The following RGS6 variants were observed in gnomAD, a reference collection of about 807,000 sequenced individuals.
RGS6 encodes the protein regulator of G-protein signaling 6.
In RGS6, 30 loss-of-function variants were observed where a neutral mutation model predicts 78.5. That is an observed-to-expected ratio of 0.38 (90% CI 0.29 to 0.52). The LOEUF (loss-of-function observed/expected upper bound fraction) is 0.52. Among genes scored for constraint, RGS6 ranks in the 20% least tolerant of loss-of-function variants. The pLI is 0.85. For synonymous variants in RGS6, 206 were observed against 206.0 expected (o/e 1.00, Z 0.00); for missense variants, 495 against 609.7 (o/e 0.81, Z 1.98).
intron 2 of RGS6, among the ~76,000 whole-genome samples, chr14:72,270,444 C>T (rs1475105626): frequency 1.3e-5 from 2 of 152,232 alleles, no homozygotes. Flanking sequence ...GATGTGGTGT[C>T]CAGCCTTTCA....
Position 72,144,823 on chromosome 14 carries a change from C to T in RGS6, c.84+179948C>T, listed in dbSNP as rs531871285. ...TGCTGCCTTCACAGAGCCAATGTAT[C>T]GAGACAGGGGAATTGCAGTGAAGAA... On this transcript the variant is annotated intron_variant, in intron 2 of 17. Transcript: ENST00000553525. Among the ~76,000 whole-genome samples the T allele has an allele frequency of 7.3e-4, 110 of 150,992 alleles. 2 individuals are homozygous for T. In the Middle Eastern group the frequency reaches 0.014, roughly 19 times the overall value.
intron 2 of RGS6, among the ~76,000 whole-genome samples, chr14:72,078,494 A>T (rs992317309): frequency 6.6e-6 from 1 of 151,712 alleles, no homozygotes; most frequent in Non-Finnish European, 1.5e-5. Flanking sequence ...GCTCACTGCA[A>T]CCTCCGCCTC....
At chr14:72,413,130 T>C (rs1160378604) in intron 3 of RGS6, among the ~76,000 whole-genome samples, 3 of 152,174 alleles carry the variant, frequency 2.0e-5, no homozygotes, top group Non-Finnish European at 4.4e-5. Flanking sequence ...CCTTGTTAAC[T>C]TTCTGTCTCG....
At chr14:71,935,029 C>T (rs992455131) in intron 1 of RGS6, among the ~76,000 whole-genome samples, 1 of 152,108 alleles carries the variant, frequency 6.6e-6, no homozygotes, top group African/African-American at 2.4e-5. Flanking sequence ...TTGCTCTGAA[C>T]CTAGGAATGC....
At chr14:71,883,112 G>C in the RGS6 span, among the ~76,000 whole-genome samples, 100 of 152,292 alleles carry the variant, frequency 6.6e-4, no homozygotes, top group Admixed American at 1.8e-3. Flanking sequence ...AGGAATTTCA[G>C]GTTTTTTAAA....
At chr14:71,892,358 G>T in the RGS6 span, among the ~76,000 whole-genome samples, 1 of 152,194 alleles carries the variant, frequency 6.6e-6, no homozygotes, top group African/African-American at 2.4e-5. Flanking sequence ...TTGGATAATT[G>T]CCCATAATCT....
intron 2 of RGS6, among the ~76,000 whole-genome samples, chr14:72,178,638 C>T (rs568224930): frequency 1.2e-4 from 18 of 152,210 alleles, no homozygotes; most frequent in South Asian, 6.2e-4. Flanking sequence ...GAAAATTCTT[C>T]GTATTGAAGA....
chr14:72,354,162 T>G (rs2079724350), intron 3 of RGS6, among the ~76,000 whole-genome samples: 1 of 152,202 alleles, frequency 6.6e-6, no homozygotes, highest in African/African-American at 2.4e-5. Context: ...CAGCTCAGGC[T>G]GCTAGAACAA....
intron 2 of RGS6, among the ~76,000 whole-genome samples, chr14:72,113,306 A>G (rs2095814579): frequency 6.6e-6 from 1 of 152,226 alleles, no homozygotes; most frequent in Non-Finnish European, 1.5e-5. Flanking sequence ...TCATGTAGGA[A>G]GAAACTGAGT....
At chr14:72,201,004 G>GAA (rs2041438373) in intron 2 of RGS6, among the ~76,000 whole-genome samples, 1 of 139,404 alleles carries the variant, frequency 7.2e-6, no homozygotes, top group Admixed American at 7.1e-5. Flanking sequence ...GAAAAGAAAA[G>GAA]AAATTGTGTT....
intron 2 of RGS6, among the ~76,000 whole-genome samples, chr14:72,174,949 A>G (rs963151260): frequency 6.6e-6 from 1 of 152,204 alleles, no homozygotes; most frequent in African/African-American, 2.4e-5. Flanking sequence ...ACAGGAAGGA[A>G]AGCAGTCAGG....
chr14:72,105,913 A>G (rs960135390), intron 2 of RGS6, among the ~76,000 whole-genome samples: 2 of 152,202 alleles, frequency 1.3e-5, no homozygotes, highest in African/African-American at 4.8e-5. Flanking sequence ...TATTTTTCCT[A>G]TGAGAAAAAG....
rs1282700808 is a variant in RGS6, at chr14:72,565,184, G to C, written c.*2717G>C. The C allele has an allele frequency of 1.3e-5, 2 of 151,790 alleles. No individual in the cohort carries two copies. The highest frequency in any genetic ancestry group is 4.3e-4 in the South Asian group (2 of 4,676). 9.4% of individuals were successfully genotyped at this position (151,790 alleles called of 1,614,324 possible). Reference sequence around the variant, plus strand: ...GAAGCTGCCTTAGCCTCCCTGACTGGGTGTGGTCTCTGGGCCTAGGACTCC... The same window carrying C: ...GAAGCTGCCTTAGCCTCCCTGACTGCGTGTGGTCTCTGGGCCTAGGACTCC... On this transcript the variant is annotated 3_prime_UTR_variant, in exon 18 of 18. Transcript: ENST00000553525.
intron 2 of RGS6, among the ~76,000 whole-genome samples, chr14:72,276,008 T>C (rs2060611805): frequency 2.6e-5 from 4 of 152,058 alleles, no homozygotes; most frequent in Admixed American, 2.6e-4. Flanking sequence ...AGGGCAGAAT[T>C]GGGGGAAGGA....
At chr14:72,292,901 C>T (rs372000596) in intron 2 of RGS6, among the ~76,000 whole-genome samples, 1 of 152,318 alleles carries the variant, frequency 6.6e-6, no homozygotes, top group East Asian at 1.9e-4. Context: ...GGATTAAGAA[C>T]AATGTTACAT....
At chr14:72,187,961 G>C (rs987412463) in intron 2 of RGS6, among the ~76,000 whole-genome samples, 1 of 152,082 alleles carries the variant, frequency 6.6e-6, no homozygotes, top group African/African-American at 2.4e-5. Context: ...TTTTGTTTCA[G>C]CCCTCATACT....
chr14:72,133,394 C>T (rs960783698), intron 2 of RGS6, among the ~76,000 whole-genome samples: 16 of 152,042 alleles, frequency 1.1e-4, no homozygotes, highest in African/African-American at 2.7e-4. Flanking sequence ...GTTCCCTTTG[C>T]GATACACAGG....
intron 2 of RGS6, among the ~76,000 whole-genome samples, chr14:72,098,605 T>C (rs376479820): frequency 2.0e-5 from 3 of 152,168 alleles, no homozygotes; most frequent in African/African-American, 4.8e-5. Flanking sequence ...ATTGAAAGAG[T>C]TGCCAACATT....
chr14:72,450,373 T>C (rs911584930), intron 3 of RGS6, among the ~76,000 whole-genome samples: 5 of 152,182 alleles, frequency 3.3e-5, no homozygotes, highest in Admixed American at 2.6e-4. Context: ...TTGAAATACA[T>C]ATAACACATA....
Sources: allele counts gnomAD v4.1 joint callset (sites outside exome capture counted in the v4.1 genomes callset), GRCh38; gene constraint gnomAD v4.1.1; transcripts MANE v1.5; gene names NCBI Gene and HGNC (gene_info 2026-07-23, HGNC 2026-07-21).